UBAP1: variants seen among roughly 807,000 people sequenced by gnomAD.
The protein encoded by UBAP1 is ubiquitin associated protein 1, also known as ubiquitin-associated protein 1.
Under a neutral mutation model 39.0 loss-of-function variants are expected in UBAP1, and 5 were observed. The observed-to-expected ratio is 0.13, with a 90% CI of 0.07 to 0.27. The LOEUF (loss-of-function observed/expected upper bound fraction) is 0.27, where lower values mean the gene tolerates loss of function less well. UBAP1 is among the 10% of genes least tolerant of loss of function. The pLI is 1.00. For missense variants in UBAP1, 490 were observed against 608.1 expected (o/e 0.81, Z 2.04); for synonymous variants, 211 against 225.1 (o/e 0.94, Z 0.56).
At chr9:34,214,948 A>G (rs1832216311) in intron 1 of UBAP1, among the ~76,000 whole-genome samples, 1 of 151,938 alleles carries the variant, frequency 6.6e-6, no homozygotes, top group South Asian at 2.1e-4. Flanking sequence ...TCCTGCAAGA[A>G]TGGCCATAAT....
intron 1 of UBAP1, among the ~76,000 whole-genome samples, chr9:34,196,785 C>A (rs1478105626): frequency 6.6e-6 from 1 of 151,870 alleles, no homozygotes; most frequent in Non-Finnish European, 1.5e-5. Context: ...TGTTGAAATT[C>A]TCTATTGAAT....
chr9:34,235,715 A>G (rs1271547020), intron 3 of UBAP1, among the ~76,000 whole-genome samples: 1 of 152,098 alleles, frequency 6.6e-6, no homozygotes, highest in Non-Finnish European at 1.5e-5. Flanking sequence ...CTGTACAGTA[A>G]TGTCCTAGGC....
chr9:34,209,442 A>G (rs1474340588), intron 1 of UBAP1, among the ~76,000 whole-genome samples: 2 of 152,144 alleles, frequency 1.3e-5, no homozygotes, highest in East Asian at 3.8e-4. Flanking sequence ...TTTGTTTCCT[A>G]TCATTTTTGC....
In UBAP1 at chr9:34,239,493, A is replaced by G. The variant is rs146261788; in HGVS notation, c.160-1692A>G. ...GCCTTTGCATGACAATACAAACTCAACTTTTCAGCTAAAATTTCTTTAGAG... is the reference window on the plus strand; with the variant it reads ...GCCTTTGCATGACAATACAAACTCAGCTTTTCAGCTAAAATTTCTTTAGAG... On this transcript the variant is annotated intron_variant, in intron 3 of 6. Transcript: ENST00000297661. Among the ~76,000 whole-genome samples, 3 of 152,278 alleles carry G rather than the reference A, an allele frequency of 2.0e-5. No individual in the cohort carries two copies. In the East Asian group the frequency reaches 5.8e-4, roughly 29 times the overall value.
rs370043828 is a variant in UBAP1, at chr9:34,221,424, G to T, written c.34+476G>T. ...GGCGCCTGTAGTCCTAGCTACTCGG[G>T]AGGCTGAGGGCAGAAGAATGGCGTG... On this transcript the variant is annotated intron_variant, in intron 2 of 6. Transcript: ENST00000297661. 5.9e-5 allele frequency among the ~76,000 whole-genome samples: 9 copies of T among 152,032 alleles called. No homozygotes were observed. The East Asian group carries it at 1.6e-3, about 26-fold the overall frequency.
chr9:34,232,524 C>T (rs1833477150), intron 2 of UBAP1, among the ~76,000 whole-genome samples: 1 of 152,178 alleles, frequency 6.6e-6, no homozygotes, highest in Non-Finnish European at 1.5e-5. Flanking sequence ...TGTTTTAGTT[C>T]TGGCCAGAAG....
At chr9:34,198,283 C>A (rs1316049637) in intron 1 of UBAP1, among the ~76,000 whole-genome samples, 5 of 152,194 alleles carry the variant, frequency 3.3e-5, no homozygotes, top group Non-Finnish European at 7.3e-5. Context: ...ATTCTGCAAT[C>A]AGGTGGGGTT....
At chr9:34,182,664 T>TTTCTTTC (rs771081613) in intron 1 of UBAP1, among the ~76,000 whole-genome samples, 3 of 62,502 alleles carry the variant, frequency 4.8e-5, no homozygotes, top group African/African-American at 1.2e-4. Flanking sequence ...TCTTTCTTTC[T>TTTCTTTC]TTCTTTCTTT....
At chr9:34,230,267 T>C (rs1212110197) in intron 2 of UBAP1, among the ~76,000 whole-genome samples, 2 of 152,158 alleles carry the variant, frequency 1.3e-5, no homozygotes, top group South Asian at 2.1e-4. Context: ...GGTTTCACCA[T>C]GCTGGCCAGG....
chr9:34,192,075 C>T (rs1313184546), intron 1 of UBAP1, among the ~76,000 whole-genome samples: 1 of 150,864 alleles, frequency 6.6e-6, no homozygotes, highest in Non-Finnish European at 1.5e-5. Context: ...AATTCCTGAC[C>T]TCAAGTGATC....
At chr9:34,182,203 G>T (rs367760782) in intron 1 of UBAP1, among the ~76,000 whole-genome samples, 14 of 106,774 alleles carry the variant, frequency 1.3e-4, no homozygotes, top group Non-Finnish European at 2.4e-4. Context: ...TTTATTTATT[G>T]AGACTGAGTC....
At chr9:34,184,930 T>TG (rs1830311838) in intron 1 of UBAP1, among the ~76,000 whole-genome samples, 1 of 55,454 alleles carries the variant, frequency 1.8e-5, no homozygotes, top group Non-Finnish European at 3.9e-5. Context: ...CCAATCCTTT[T>TG]TTTTTTTTTT....
At chr9:34,217,088 G>A (rs2131568147) in intron 1 of UBAP1, among the ~76,000 whole-genome samples, 1 of 152,090 alleles carries the variant, frequency 6.6e-6, no homozygotes, top group Admixed American at 6.6e-5. Flanking sequence ...CTTTTGGGAA[G>A]GGTGTTTGCT....
At position 34,241,499 on chromosome 9, in the gene UBAP1, C is replaced by T; in HGVS notation, c.474C>T (p.Asp158=). The T allele has an allele frequency of 6.2e-7, 1 of 1,614,074 alleles. No individual in the cohort carries two copies. The highest frequency in any genetic ancestry group is 1.1e-5 in the South Asian group (1 of 91,076). The change falls in exon 4 of 7, where the codon GAC becomes GAT. Residue 158 remains aspartate, a synonymous_variant. Coordinates refer to ENST00000297661, the MANE Select transcript of UBAP1 (RefSeq NM_016525.5). ...TAAAGGCGGATTTCAATCTTGCTGA[C>T]TTTGAGTGTGAAGAAGACCCATTTG... ...PHIKADFNLA[D]FECEEDPFDN... is the part of the protein sequence containing the mutation.
At position 34,181,116 on chromosome 9, in the gene UBAP1, C is replaced by CTTTCTTTTTTTTTTTTTTTTTTTTTTTT. The variant is rs1193356334; in HGVS notation, c.-8+1879_-8+1880insCTTTTTTTTTTTTTTTTTTTTTTTTTTT. Among the ~76,000 whole-genome samples, 146 of 72,262 alleles carry CTTTCTTTTTTTTTTTTTTTTTTTTTTTT rather than the reference C, an allele frequency of 2.0e-3. 14 individuals carry two copies. Among genetic ancestry groups the CTTTCTTTTTTTTTTTTTTTTTTTTTTTT allele is most frequent in the South Asian group, 2.3e-3 (4 of 1,750 alleles). 47.4% of individuals were successfully genotyped at this position (72,262 alleles called of 152,430 possible). A position where few individuals can be genotyped will look rare whatever the true frequency, so the allele number is the denominator to read the frequency against. ...TGAGCCACCGCACCCGGCCTGTTTT[C>CTTTCTTTTTTTTTTTTTTTTTTTTTTTT]TTTTTTTTTTTTTTTTTGAGACAGA... On this transcript the variant is annotated intron_variant, in intron 1 of 6. Coordinates refer to ENST00000297661, the MANE Select transcript of UBAP1 (RefSeq NM_016525.5).
chr9:34,189,686 G>C (rs1320478048), intron 1 of UBAP1, among the ~76,000 whole-genome samples: 1 of 151,964 alleles, frequency 6.6e-6, no homozygotes, highest in Non-Finnish European at 1.5e-5. Flanking sequence ...GCCCAGGCTG[G>C]AGTGCAATGG....
At position 34,249,814 on chromosome 9, in the gene UBAP1, C is replaced by T; in HGVS notation, c.1119C>T (p.Pro373=). ...CTAATTTCTCAGTGTCACAAGTGCC[C>T]AACATGCCCAGCTGTCCCCAGGCCT... ...TPPNFSVSQV[P]NMPSCPQAYS... is the part of the protein sequence containing the mutation. Residue 373 remains proline, a synonymous_variant, in exon 5 of 7, where the codon CCC becomes CCT. Coordinates refer to ENST00000297661, the MANE Select transcript of UBAP1 (RefSeq NM_016525.5). 6.2e-7 allele frequency: 1 copy of T among 1,614,180 alleles called. No homozygotes were observed. Among genetic ancestry groups the T allele is most frequent in the Non-Finnish European group, 8.5e-7 (1 of 1,180,032 alleles).
intron 1 of UBAP1, among the ~76,000 whole-genome samples, chr9:34,207,212 A>G (rs1430068989): frequency 6.6e-6 from 1 of 150,874 alleles, no homozygotes. Flanking sequence ...GCCACAGCTA[A>G]TTTTTGTATT....
chr9:34,250,416 C>T (rs1834418084), intron 5 of UBAP1, among the ~76,000 whole-genome samples: 1 of 152,218 alleles, frequency 6.6e-6, no homozygotes, highest in Non-Finnish European at 1.5e-5. Flanking sequence ...GGCGTGTCAG[C>T]TGTGGCTGCA....
Sources: gnomAD v4.1 joint callset for allele counts (sites outside exome capture counted in the v4.1 genomes callset) on GRCh38, gnomAD v4.1.1 for gene constraint, MANE v1.5 for transcripts, NCBI Gene and HGNC (gene_info 2026-07-23, HGNC 2026-07-21) for gene names.